Variants in GALNT18 observed in about 807,000 individuals in gnomAD.
GALNT18 encodes the protein GalNAc-transferase 18.
In GALNT18, 44 loss-of-function variants were observed where a neutral mutation model predicts 69.5. The ratio of observed to expected loss-of-function variants is 0.63; its 90% confidence interval spans 0.50 to 0.81. The LOEUF (loss-of-function observed/expected upper bound fraction) is 0.81. GALNT18 is among the 40% of genes least tolerant of loss of function. GALNT18 has a pLI of 0.00. For synonymous variants in GALNT18, 364 were observed against 318.2 expected, an observed-to-expected ratio of 1.14 and a Z score of -1.53; for missense variants, 715 against 810.0, an observed-to-expected ratio of 0.88 and a Z score of 1.42.
In GALNT18 at chr11:11,595,508, T is replaced by G. The variant is rs183271221; in HGVS notation, c.235+25851A>C. ...TTTTGTTATGGCAGCCGAGATGAACTAAGACACATTCTCTTCAATAGTGTA... is the reference window on the plus strand; with the variant it reads ...TTTTGTTATGGCAGCCGAGATGAACGAAGACACATTCTCTTCAATAGTGTA... On this transcript the variant is annotated intron_variant, in intron 1 of 10. Coordinates refer to ENST00000227756, the MANE Select transcript of GALNT18 (RefSeq NM_198516.3). This position sits in a 1 kb window ranked among gnomAD's most constrained non-coding sequence, Gnocchi z 5.2. 2.0e-4 allele frequency among the ~76,000 whole-genome samples: 30 copies of G among 152,326 alleles called. No homozygotes were observed. The highest frequency in any genetic ancestry group is 6.5e-4 in the African/African-American group (27 of 41,578).
chr11:11,424,550 A>G (rs1373390155), intron 3 of GALNT18, among the ~76,000 whole-genome samples: 2 of 152,202 alleles, frequency 1.3e-5, no homozygotes, highest in Admixed American at 1.3e-4. Flanking sequence ...CAGAATGACT[A>G]CGATGAGCGG....
At chr11:11,437,784 G>A (rs1301625725) in intron 2 of GALNT18, among the ~76,000 whole-genome samples, 1 of 151,212 alleles carries the variant, frequency 6.6e-6, no homozygotes, top group Non-Finnish European at 1.5e-5. Flanking sequence ...GAGTAAGCAG[G>A]CCCCTTCTAG....
At chr11:11,487,976 T>C (rs1856678759) in intron 1 of GALNT18, among the ~76,000 whole-genome samples, 1 of 152,220 alleles carries the variant, frequency 6.6e-6, no homozygotes, top group Non-Finnish European at 1.5e-5. Flanking sequence ...AAGGTGGTTA[T>C]AAGCCCAAGC....
intron 1 of GALNT18, among the ~76,000 whole-genome samples, chr11:11,551,479 A>G (rs984367718): frequency 6.6e-6 from 1 of 152,134 alleles, no homozygotes; most frequent in African/African-American, 2.4e-5. Context: ...AAGCCCAGAA[A>G]TTTCCAAGAA....
Position 11,377,273 on chromosome 11 carries a change from C to T in GALNT18, c.886G>A (p.Ala296Thr). Residue 296 changes from alanine to threonine, a missense_variant, in exon 5 of 11, where the codon GCT becomes ACT. Physicochemically the swap from Ala to Thr is moderately conservative, Grantham distance 58. Transcript: ENST00000227756. The surrounding 1 kb of genome is among the most constrained non-coding windows in gnomAD (Gnocchi z 4.6). ...AGCTCCCAGTCAAAGCCCTGGGCAG[C>T]CAGCGGGTACTCTTCTATCTCAAAG... ...DNFEIEEYPL[A>T]AQGFDWELWC... is the part of the protein sequence containing the mutation. The T allele has an allele frequency of 1.2e-6, 2 of 1,613,930 alleles. No homozygotes were observed. Among genetic ancestry groups the T allele is most frequent in the Middle Eastern group, 1.7e-4 (1 of 5,976 alleles).
Position 11,602,344 on chromosome 11 carries a change from G to A in GALNT18, c.235+19015C>T, listed in dbSNP as rs1457484618. On this transcript the variant is annotated intron_variant, in intron 1 of 10. Coordinates refer to ENST00000227756, the MANE Select transcript of GALNT18 (RefSeq NM_198516.3). This position sits in a 1 kb window ranked among gnomAD's most constrained non-coding sequence, Gnocchi z 4.7. ...AGCTTCCACCCTGTAAGTAGGGGCA[G>A]CCCCAGACCACTCAACCATGCTCTG... Among the ~76,000 whole-genome samples the A allele has an allele frequency of 1.3e-5, 2 of 152,104 alleles. No individual in the cohort carries two copies. The highest frequency in any genetic ancestry group is 2.9e-5 in the Non-Finnish European group (2 of 68,022).
At chr11:11,545,304 A>C (rs1329466954) in intron 1 of GALNT18, among the ~76,000 whole-genome samples, 1 of 152,234 alleles carries the variant, frequency 6.6e-6, no homozygotes, top group African/African-American at 2.4e-5. Context: ...CAACAACCGA[A>C]ACCAGTCTTA....
At chr11:11,336,386 G>A (rs1850114362) in intron 7 of GALNT18, among the ~76,000 whole-genome samples, 1 of 152,188 alleles carries the variant, frequency 6.6e-6, no homozygotes, top group Non-Finnish European at 1.5e-5. Flanking sequence ...AGCAGAGGAT[G>A]TCTGTCCAGC....
chr11:11,344,372 G>A (rs1024976602), intron 6 of GALNT18, among the ~76,000 whole-genome samples: 14 of 152,100 alleles, frequency 9.2e-5, no homozygotes, highest in Admixed American at 2.0e-4. Flanking sequence ...ACCCCCTTCC[G>A]CTAGGTTTAC....
At chr11:11,374,468 G>A (rs939106045) in intron 5 of GALNT18, among the ~76,000 whole-genome samples, 4 of 152,202 alleles carry the variant, frequency 2.6e-5, no homozygotes, top group African/African-American at 9.7e-5. Context: ...CATCAGGCTG[G>A]CAGAGTGGGG....
Position 11,369,510 on chromosome 11 carries a change from A to G in GALNT18, c.1092+3005T>C, listed in dbSNP as rs1906212. On this transcript the variant is annotated intron_variant, in intron 6 of 10. Coordinates refer to ENST00000227756, the MANE Select transcript of GALNT18 (RefSeq NM_198516.3). Reference sequence around the variant, plus strand: ...TTAGGGCCCACCCTAATCCAGCACAATTTTGTCTTAACTTGATTACATCTG... The same window carrying G: ...TTAGGGCCCACCCTAATCCAGCACAGTTTTGTCTTAACTTGATTACATCTG... Among the ~76,000 whole-genome samples, 1,094 of 152,202 alleles carry G rather than the reference A, an allele frequency of 7.2e-3. 13 individuals carry two copies. Among genetic ancestry groups the G allele is most frequent in the African/African-American group, 0.025 (1,043 of 41,512 alleles).
At position 11,346,352 on chromosome 11, in the gene GALNT18, C is replaced by A. The variant is rs114199874; in HGVS notation, c.1093-5348G>T. Among the ~76,000 whole-genome samples, 700 of 152,304 alleles carry A rather than the reference C, an allele frequency of 4.6e-3. 6 individuals carry two copies. The highest frequency in any genetic ancestry group is 0.016 in the African/African-American group (669 of 41,556). On this transcript the variant is annotated intron_variant, in intron 6 of 10. Transcript: ENST00000227756. ...TAGGAATCTGAGAGTCCTGGGCTTT[C>A]ACTGACTATACAGGCATGGTTTTAA...
chr11:11,574,248 A>C (rs1442747661), intron 1 of GALNT18, among the ~76,000 whole-genome samples: 1 of 152,148 alleles, frequency 6.6e-6, no homozygotes, highest in Non-Finnish European at 1.5e-5. Flanking sequence ...CTGGAACTAC[A>C]CTTTATAGAT....
chr11:11,405,611 G>A (rs1173241009), intron 3 of GALNT18, among the ~76,000 whole-genome samples: 1 of 152,178 alleles, frequency 6.6e-6, no homozygotes, highest in Admixed American at 6.5e-5. Flanking sequence ...ACACAGGAAA[G>A]GATCACATTT....
intron 9 of GALNT18, among the ~76,000 whole-genome samples, chr11:11,301,016 A>AGAAG (rs1849484852): frequency 6.6e-6 from 1 of 152,112 alleles, no homozygotes; most frequent in Non-Finnish European, 1.5e-5. Context: ...CCCCACAATG[A>AGAAG]GAAGGGGGAA....
chr11:11,306,534 T>C (rs1022022266), intron 9 of GALNT18, among the ~76,000 whole-genome samples: 1 of 152,196 alleles, frequency 6.6e-6, no homozygotes, highest in African/African-American at 2.4e-5. Flanking sequence ...CCTGCTTTCC[T>C]CCAGCTCATG....
intron 3 of GALNT18, among the ~76,000 whole-genome samples, chr11:11,400,370 G>A (rs777004053): frequency 9.2e-5 from 14 of 152,178 alleles, no homozygotes; most frequent in African/African-American, 2.2e-4. Flanking sequence ...GATAGTTAAC[G>A]CAATGATCAT....
chr11:11,406,987 A>G (rs1333347241), intron 3 of GALNT18, among the ~76,000 whole-genome samples: 1 of 152,102 alleles, frequency 6.6e-6, no homozygotes, highest in Non-Finnish European at 1.5e-5. Context: ...GCCAGGTTGG[A>G]CCAGGAGGAG....
chr11:11,425,962 T>C (rs763570875), intron 3 of GALNT18, among the ~76,000 whole-genome samples: 1 of 152,164 alleles, frequency 6.6e-6, no homozygotes, highest in Non-Finnish European at 1.5e-5. Context: ...AAGACATTGG[T>C]CCATTGGGAT....
Sources: gnomAD v4.1 joint callset for allele counts (sites outside exome capture counted in the v4.1 genomes callset) on GRCh38, gnomAD v4.1.1 for gene constraint, Gnocchi (gnomAD v3.1) non-coding constraint, MANE v1.5 for transcripts, NCBI Gene and HGNC (gene_info 2026-07-23, HGNC 2026-07-21) for gene names.